PMFBP1: variants seen among roughly 807,000 people sequenced by gnomAD.
PMFBP1 encodes the protein polyamine modulated factor 1 binding protein 1.
In PMFBP1, 131 loss-of-function variants were observed where a neutral mutation model predicts 137.8. The observed-to-expected ratio is 0.95, with a 90% CI of 0.82 to 1.10. The LOEUF (loss-of-function observed/expected upper bound fraction) is 1.10, where lower values mean the gene tolerates loss of function less well. Ranked by LOEUF, PMFBP1 falls within the 50% of genes least tolerant of loss-of-function variation. PMFBP1 has a pLI of 0.00. For missense variants in PMFBP1, 1,199 were observed against 1,175.4 expected (o/e 1.02, Z -0.29); for synonymous variants, 490 against 450.4 (o/e 1.09, Z -1.11).
chr16:72,232,219 T>C, the PMFBP1 span, among the ~76,000 whole-genome samples: 1 of 152,198 alleles, frequency 6.6e-6, no homozygotes, highest in Non-Finnish European at 1.5e-5. Flanking sequence ...ATTATCATGA[T>C]GTCTGATTTG....
chr16:72,180,053 C>A (rs901477135), upstream of PMFBP1, among the ~76,000 whole-genome samples: 1 of 152,162 alleles, frequency 6.6e-6, no homozygotes, highest in African/African-American at 2.4e-5. Context: ...GCCTGCAGCT[C>A]CAGTTTCTAC....
the PMFBP1 span, among the ~76,000 whole-genome samples, chr16:72,192,901 C>CA: frequency 0.23 from 19,167 of 85,042 alleles, 1,594 homozygotes; most frequent in South Asian, 0.28. Context: ...GTCTCTGTCT[C>CA]AAAAAAAAAA....
At chr16:72,130,176 C>G (rs373032884) in intron 12 of PMFBP1, 37 bp downstream of exon 12, 3 of 1,605,564 alleles carry the variant, frequency 1.9e-6, no homozygotes, top group Non-Finnish European at 2.5e-6. Context: ...TTAAGCAGAG[C>G]AAGCACTTGA....
At chr16:72,119,412 T>C (rs1159720503) in intron 20 of PMFBP1, 58 bp from the exon 21 acceptor site, 1 of 1,613,816 alleles carries the variant, frequency 6.2e-7, no homozygotes, top group Non-Finnish European at 8.5e-7. Flanking sequence ...ACGAGGTGAT[T>C]CCTCAAGGGC....
chr16:72,134,297 G>A (rs527676458), intron 9 of PMFBP1, among the ~76,000 whole-genome samples: 1 of 152,244 alleles, frequency 6.6e-6, no homozygotes, highest in South Asian at 2.1e-4. Flanking sequence ...AACTACCACT[G>A]CTAACATCCT....
chr16:72,150,978 A>G (rs2042894271), intron 4 of PMFBP1, 149 bp from the exon 5 acceptor site: 1 of 690,060 alleles, frequency 1.4e-6, no homozygotes, highest in South Asian at 1.8e-5. Context: ...TAAAAGCTAC[A>G]GTATGTAATA....
chr16:72,215,824 A>T, the PMFBP1 span, among the ~76,000 whole-genome samples: 1 of 152,216 alleles, frequency 6.6e-6, no homozygotes, highest in Non-Finnish European at 1.5e-5. Context: ...GAAAATCCTA[A>T]TAGGGAAGAT....
At chr16:72,203,053 T>G in the PMFBP1 span, among the ~76,000 whole-genome samples, 1 of 152,216 alleles carries the variant, frequency 6.6e-6, no homozygotes, top group Middle Eastern at 3.2e-3. Context: ...TGTGGCTGGC[T>G]AGGGTGTTGT....
At chr16:72,193,982 C>CTT in the PMFBP1 span, among the ~76,000 whole-genome samples, 1 of 130,046 alleles carries the variant, frequency 7.7e-6, no homozygotes, top group African/African-American at 2.8e-5. Flanking sequence ...ATCAAGGCTG[C>CTT]TTTTTTTTTT....
the PMFBP1 span, among the ~76,000 whole-genome samples, chr16:72,184,615 G>C: frequency 6.6e-6 from 1 of 152,224 alleles, no homozygotes; most frequent in Non-Finnish European, 1.5e-5. Flanking sequence ...CAAGATCACA[G>C]AGTACCATGG....
chr16:72,140,084 G>A (rs2042693352), intron 6 of PMFBP1, among the ~76,000 whole-genome samples: 1 of 152,186 alleles, frequency 6.6e-6, no homozygotes. Flanking sequence ...TCTTACAGAT[G>A]TGCTTAGTCC....
the PMFBP1 span, among the ~76,000 whole-genome samples, chr16:72,209,766 C>T: frequency 1.6e-4 from 24 of 152,256 alleles, no homozygotes; most frequent in African/African-American, 3.9e-4. Flanking sequence ...AGCTGGGAAA[C>T]GAGACCCATA....
intron 14 of PMFBP1, among the ~76,000 whole-genome samples, chr16:72,126,691 G>T (rs2042464052): frequency 6.6e-6 from 1 of 152,180 alleles, no homozygotes; most frequent in African/African-American, 2.4e-5. Flanking sequence ...TTTGGAGTTA[G>T]GGATCAATTG....
chr16:72,169,613 TTAAAG>T (rs2043192486), intron 2 of PMFBP1, among the ~76,000 whole-genome samples: 1 of 151,760 alleles, frequency 6.6e-6, no homozygotes, highest in African/African-American at 2.4e-5. Context: ...ATCCCAGAAC[TTAAAG>T]TATAATAAAA....
At chr16:72,175,628 CA>C (rs1458641343), upstream of PMFBP1, among the ~76,000 whole-genome samples, 1 of 152,150 alleles carries the variant, frequency 6.6e-6, no homozygotes, top group East Asian at 1.9e-4. Context: ...TCCGGGTTTT[CA>C]GGAAAGAGAT....
At chr16:72,128,399 G>T in intron 14 of PMFBP1, 1 of 1,423,340 alleles carries the variant, frequency 7.0e-7, no homozygotes. Flanking sequence ...TGTAACATTG[G>T]AAGACTTGAT....
the PMFBP1 span, among the ~76,000 whole-genome samples, chr16:72,226,726 A>T: frequency 6.6e-6 from 1 of 152,180 alleles, no homozygotes; most frequent in Non-Finnish European, 1.5e-5. Context: ...AAACAAACAA[A>T]CAACAATTCC....
the PMFBP1 span, among the ~76,000 whole-genome samples, chr16:72,211,466 A>G: frequency 6.6e-6 from 1 of 152,166 alleles, no homozygotes; most frequent in Non-Finnish European, 1.5e-5. Flanking sequence ...CCCAAAGAAA[A>G]TGCTCCCTGT....
chr16:72,162,124 T>G (rs1261093541), intron 3 of PMFBP1, among the ~76,000 whole-genome samples: 2 of 151,554 alleles, frequency 1.3e-5, no homozygotes, highest in African/African-American at 4.9e-5. Context: ...CTGTTGTTCT[T>G]TTCTCCTTTC....
Sources: allele counts gnomAD v4.1 joint callset (sites outside exome capture counted in the v4.1 genomes callset), GRCh38; gene constraint gnomAD v4.1.1; transcripts MANE v1.5; gene names NCBI Gene and HGNC (gene_info 2026-07-23, HGNC 2026-07-21).